The following ADARB1 variants were observed in gnomAD, a reference collection of about 807,000 sequenced individuals.
The protein encoded by ADARB1 is adenosine deaminase RNA specific B1.
Under a neutral mutation model 52.4 loss-of-function variants are expected in ADARB1, and 10 were observed. The observed-to-expected ratio is 0.19, with a 90% CI of 0.12 to 0.32. The LOEUF is 0.32. ADARB1 is among the 10% of genes least tolerant of loss of function. ADARB1 has a pLI of 1.00. For missense variants in ADARB1, 643 were observed against 922.3 expected, an observed-to-expected ratio of 0.70 and a Z score of 3.92; for synonymous variants, 349 against 371.1, an observed-to-expected ratio of 0.94 and a Z score of 0.68.
chr21:45,195,928 C>G (rs2146295193), intron 8 of ADARB1, among the ~76,000 whole-genome samples: 1 of 152,254 alleles, frequency 6.6e-6, no homozygotes, highest in South Asian at 2.1e-4. Flanking sequence ...AACAGTTCAT[C>G]AATATCTACA....
intron 1 of ADARB1, among the ~76,000 whole-genome samples, chr21:45,091,304 G>A (rs2086553760): frequency 6.6e-6 from 1 of 152,174 alleles, no homozygotes; most frequent in South Asian, 2.1e-4. Flanking sequence ...AATGCTAGTT[G>A]ACGTTTGGCT....
chr21:45,075,278 G>A (rs1466742551), intron 1 of ADARB1, among the ~76,000 whole-genome samples: 3 of 151,562 alleles, frequency 2.0e-5, no homozygotes, highest in African/African-American at 4.9e-5. Flanking sequence ...CTGCGCCTGG[G>A]GACGGTAGGC....
chr21:45,127,914 TAGATGG>T (rs1569039329), intron 1 of ADARB1, among the ~76,000 whole-genome samples: 1 of 152,166 alleles, frequency 6.6e-6, no homozygotes, highest in African/African-American at 2.4e-5. Flanking sequence ...GAGCAGAAAC[TAGATGG>T]AGATACTGTT....
At chr21:45,201,076 C>T (rs180792737) in intron 8 of ADARB1, among the ~76,000 whole-genome samples, 44 of 152,306 alleles carry the variant, frequency 2.9e-4, no homozygotes, top group African/African-American at 7.2e-4. Context: ...CTTCATGGCA[C>T]GCTGTGAGTG....
intron 1 of ADARB1, among the ~76,000 whole-genome samples, chr21:45,111,366 C>T (rs796553696): frequency 1.1e-4 from 16 of 152,258 alleles, no homozygotes; most frequent in African/African-American, 3.4e-4. Flanking sequence ...AAAGATTTCC[C>T]GTATGCCCCC....
In ADARB1 at chr21:45,128,929, A is replaced by G. The variant is rs187723201; in HGVS notation, c.-48+356A>G. On this transcript the variant is annotated intron_variant, in intron 2 of 10. Coordinates refer to ENST00000348831, the MANE Select transcript of ADARB1 (RefSeq NM_001112.4). The surrounding 1 kb of genome is among the most constrained non-coding windows in gnomAD (Gnocchi z 4.6). ...CTAGACTTGGTGAAAGCCTTTTACCATCAATTATTATTTTCTTAGGAGTAA... is the reference window on the plus strand; with the variant it reads ...CTAGACTTGGTGAAAGCCTTTTACCGTCAATTATTATTTTCTTAGGAGTAA... Among the ~76,000 whole-genome samples, 69 of 152,282 alleles carry G rather than the reference A, an allele frequency of 4.5e-4. No individual in the cohort carries two copies. The highest frequency in any genetic ancestry group is 1.6e-3 in the African/African-American group (66 of 41,552).
intron 2 of ADARB1, among the ~76,000 whole-genome samples, chr21:45,151,738 G>T (rs1368225077): frequency 6.6e-6 from 1 of 152,172 alleles, no homozygotes; most frequent in Non-Finnish European, 1.5e-5. Context: ...GAGTGGCAGA[G>T]GCACCAAGTG....
intron 1 of ADARB1, among the ~76,000 whole-genome samples, chr21:45,111,192 C>T (rs2087517661): frequency 6.6e-6 from 1 of 152,190 alleles, no homozygotes; most frequent in African/African-American, 2.4e-5. Flanking sequence ...CTCCTGTTGG[C>T]GTGGGTGCCT....
At chr21:45,127,171 C>A (rs1227784091) in intron 1 of ADARB1, among the ~76,000 whole-genome samples, 1 of 152,134 alleles carries the variant, frequency 6.6e-6, no homozygotes, top group Non-Finnish European at 1.5e-5. Flanking sequence ...GAGCTGGATT[C>A]GGACTGAGTG....
At chr21:45,088,133 A>G (rs1433928360) in intron 1 of ADARB1, among the ~76,000 whole-genome samples, 1 of 152,230 alleles carries the variant, frequency 6.6e-6, no homozygotes, top group East Asian at 1.9e-4. Flanking sequence ...AGGAGTAAAC[A>G]TAGGTGTACG....
chr21:45,224,524 C>CG lies in ADARB1; in HGVS notation c.*2331dup. ...GGCAGCTGTGGGGAGGAACTGGGTTCGGGGAGCCCTGGGCGGGGCGGCTGT... is the reference window on the plus strand; with the variant it reads ...GGCAGCTGTGGGGAGGAACTGGGTTCGGGGGAGCCCTGGGCGGGGCGGCTGT... On this transcript the variant is annotated 3_prime_UTR_variant, in exon 11 of 11. Coordinates refer to ENST00000348831, the MANE Select transcript of ADARB1 (RefSeq NM_001112.4). The CG allele has an allele frequency of 9.4e-7, 1 of 1,062,208 alleles. No individual in the cohort carries two copies. The highest frequency in any genetic ancestry group is 1.1e-6 in the Non-Finnish European group (1 of 875,158). The allele number at this position is 1,062,208 out of a possible 1,614,324, so 65.8% of individuals were successfully genotyped here. A position where few individuals can be genotyped will look rare whatever the true frequency, so the allele number is the denominator to read the frequency against.
intron 2 of ADARB1, among the ~76,000 whole-genome samples, chr21:45,136,204 C>T (rs1037860681): frequency 2.6e-5 from 4 of 152,186 alleles, no homozygotes; most frequent in Non-Finnish European, 5.9e-5. Flanking sequence ...TGTCTCTGAG[C>T]TCTGGTTCTG....
intron 1 of ADARB1, chr21:45,117,077 AG>A (rs2087871093): frequency 6.6e-6 from 1 of 152,198 alleles, no homozygotes; most frequent in South Asian, 2.1e-4. Context: ...ATTTTAGTAA[AG>A]CTTTTACTGG....
At position 45,220,991 on chromosome 21, in the gene ADARB1, C is replaced by T. The variant is rs764962336; in HGVS notation, c.1903C>T (p.Arg635Cys). 5 of 1,612,342 alleles carry T rather than the reference C, an allele frequency of 3.1e-6. No individual in the cohort carries two copies. Among genetic ancestry groups the T allele is most frequent in the East Asian group, 2.2e-5 (1 of 44,898 alleles). The change falls in exon 10 of 11, where the codon CGC becomes TGC. Residue 635 changes from arginine (R) to cysteine (C), a missense_variant. Physicochemically the swap from Arg to Cys is radical, Grantham distance 180. Transcript: ENST00000348831. This position sits in a 1 kb window ranked among gnomAD's most constrained non-coding sequence, Gnocchi z 6.3. ...CCTGTGTAAGCACGCGTTGTACTGT[C>T]GCTGGATGCGTGTGCACGGCAAGGT... Reference protein sequence around the residue: ...SRLCKHALYCRWMRVHGKVPS... With the variant: ...SRLCKHALYCCWMRVHGKVPS...
Position 45,222,550 on chromosome 21 carries a change from G to C in ADARB1, c.*353G>C. The C allele has an allele frequency of 1.9e-6, 2 of 1,061,984 alleles. No individual in the cohort carries two copies. The highest frequency in any genetic ancestry group is 2.3e-6 in the Non-Finnish European group (2 of 880,000). 65.8% of individuals were successfully genotyped at this position (1,061,984 alleles called of 1,614,324 possible). A position where few individuals can be genotyped will look rare whatever the true frequency, so the allele number is the denominator to read the frequency against. On this transcript the variant is annotated 3_prime_UTR_variant, in exon 11 of 11. Coordinates refer to ENST00000348831, the MANE Select transcript of ADARB1 (RefSeq NM_001112.4). The stretch of plus-strand genomic sequence containing the variant: ...AGTTTAGGAAAATAGAAATTACTTT[G>C]TGTGAAATTCTTGAATAAATAATTT...
intron 1 of ADARB1, among the ~76,000 whole-genome samples, chr21:45,089,854 T>C (rs1027054930): frequency 1.3e-5 from 2 of 152,252 alleles, no homozygotes; most frequent in Non-Finnish European, 2.9e-5. Context: ...GTCTCATGTT[T>C]TCTAGATGGA....
chr21:45,144,981 C>A (rs1367755401), intron 2 of ADARB1: 5 of 174,972 alleles, frequency 2.9e-5, no homozygotes, highest in African/African-American at 9.5e-5. Context: ...TATGTAAATG[C>A]CATTTTAATC....
rs1440593570 is a variant in ADARB1, at chr21:45,204,851, A to G, written c.1747+115A>G. ...GCTCTGTGGCTATCAAAAGAACATC[A>G]GAGTCCTTCTAAAGAGACCCAAGGT... On this transcript the variant is annotated intron_variant, in intron 9 of 10. Transcript: ENST00000348831. This position sits in a 1 kb window ranked among gnomAD's most constrained non-coding sequence, Gnocchi z 4.4. 1 of 1,185,118 alleles carries G rather than the reference A, an allele frequency of 8.4e-7. No individual in the cohort carries two copies. Among genetic ancestry groups the G allele is most frequent in the Non-Finnish European group, 1.2e-6 (1 of 855,728 alleles). The allele number at this position is 1,185,118 out of a possible 1,614,324, so 73.4% of individuals were successfully genotyped here. A position where few individuals can be genotyped will look rare whatever the true frequency, so the allele number is the denominator to read the frequency against.
intron 5 of ADARB1, 128 bp from the exon 6 acceptor site, chr21:45,182,457 T>C (rs1328970541): frequency 2.0e-6 from 2 of 987,716 alleles, no homozygotes; most frequent in Admixed American, 3.2e-5. Flanking sequence ...TGCATGAAGA[T>C]GAGCTTGAAA....
Sources: allele counts gnomAD v4.1 joint callset (sites outside exome capture counted in the v4.1 genomes callset), GRCh38; gene constraint gnomAD v4.1.1; non-coding constraint Gnocchi (gnomAD v3.1); transcripts MANE v1.5; gene names NCBI Gene and HGNC (gene_info 2026-07-23, HGNC 2026-07-21).